Variants in CELF2 observed in about 807,000 individuals in gnomAD.
The protein encoded by CELF2 is CUGBP Elav-like family member 2.
Under a neutral mutation model 62.6 loss-of-function variants are expected in CELF2, and 8 were observed. That is an observed-to-expected ratio of 0.13 (90% CI 0.07 to 0.23). CELF2 has a LOEUF of 0.23. Ranked by LOEUF, CELF2 falls within the 10% of genes least tolerant of loss-of-function variation. The pLI is 1.00. For missense variants in CELF2, 333 were observed against 671.0 expected (o/e 0.50, Z 5.56); for synonymous variants, 258 against 250.0 (o/e 1.03, Z -0.30).
intron 1 of CELF2, among the ~76,000 whole-genome samples, chr10:10,847,790 C>G (rs2059113893): frequency 6.6e-6 from 1 of 152,110 alleles, no homozygotes; most frequent in African/African-American, 2.4e-5. Flanking sequence ...GAGGCTTAGC[C>G]GTGGTTTTAG....
the CELF2 span, among the ~76,000 whole-genome samples, chr10:10,651,642 A>C: frequency 1.1e-3 from 164 of 149,478 alleles, no homozygotes; most frequent in Non-Finnish European, 1.7e-3. Flanking sequence ...GTATTCCAAC[A>C]GACCTGCAGC....
chr10:11,005,572 G>T lies in CELF2; in HGVS notation c.53+132G>T. 1.4e-6 allele frequency: 2 copies of T among 1,382,786 alleles called. No homozygotes were observed. Among genetic ancestry groups the T allele is most frequent in the Non-Finnish European group, 1.0e-6 (1 of 988,708 alleles). The allele number at this position is 1,382,786 out of a possible 1,614,324, so 85.7% of individuals were successfully genotyped here. The stretch of plus-strand genomic sequence containing the variant: ...AAGGGGGGAAAAAGAATCTAAAGAG[G>T]AAGAGGGAGATGAAATCGAGACCCA... On this transcript the variant is annotated intron_variant, in intron 1 of 12. Transcript: ENST00000416382. The surrounding 1 kb of genome is among the most constrained non-coding windows in gnomAD (Gnocchi z 4.3).
At chr10:11,081,027 T>C (rs1267899892) in intron 1 of CELF2, among the ~76,000 whole-genome samples, 1 of 152,114 alleles carries the variant, frequency 6.6e-6, no homozygotes, top group Non-Finnish European at 1.5e-5. Flanking sequence ...CAGATGTTGC[T>C]TTAGCATCCA....
the CELF2 span, among the ~76,000 whole-genome samples, chr10:10,674,820 G>A: frequency 6.6e-6 from 1 of 151,926 alleles, no homozygotes; most frequent in Non-Finnish European, 1.5e-5. Context: ...TGCCACTTGT[G>A]TGAGTGTGCC....
chr10:10,594,393 G>A, the CELF2 span, among the ~76,000 whole-genome samples: 2 of 152,160 alleles, frequency 1.3e-5, no homozygotes, highest in East Asian at 1.9e-4. Context: ...CAGACACTGT[G>A]CATTTAGTTC....
At chr10:10,764,530 C>A in the CELF2 span, among the ~76,000 whole-genome samples, 11 of 152,248 alleles carry the variant, frequency 7.2e-5, no homozygotes, top group Admixed American at 4.6e-4. Flanking sequence ...GAGACAGAGC[C>A]AAGTTCTCCA....
At chr10:10,519,786 G>A in the CELF2 span, among the ~76,000 whole-genome samples, 6 of 152,194 alleles carry the variant, frequency 3.9e-5, no homozygotes, top group Non-Finnish European at 7.3e-5. Context: ...AAACCAGCAA[G>A]CACTCAATTC....
intron 3 of CELF2, among the ~76,000 whole-genome samples, chr10:11,233,107 TCTAA>T (rs920384701): frequency 2.0e-5 from 3 of 152,138 alleles, no homozygotes; most frequent in African/African-American, 7.2e-5. Context: ...TCAGTAAAAT[TCTAA>T]CTAATGAAAG....
chr10:11,277,232 C>T (rs1033955736), intron 8 of CELF2, among the ~76,000 whole-genome samples: 6 of 152,176 alleles, frequency 3.9e-5, no homozygotes, highest in East Asian at 1.9e-4. Flanking sequence ...GCCTCTCCTA[C>T]GCTCTTGTCT....
chr10:10,698,642 A>G, the CELF2 span, among the ~76,000 whole-genome samples: 6 of 152,186 alleles, frequency 3.9e-5, no homozygotes, highest in Admixed American at 6.5e-5. Context: ...TTTGGTCTCA[A>G]CTACTTCCCA....
At chr10:10,473,827 T>G in the CELF2 span, among the ~76,000 whole-genome samples, 1 of 152,076 alleles carries the variant, frequency 6.6e-6, no homozygotes, top group South Asian at 2.1e-4. Flanking sequence ...AATCATGTCA[T>G]TTTCCACTTC....
At chr10:11,100,813 T>C (rs1324567714) in intron 1 of CELF2, among the ~76,000 whole-genome samples, 2 of 152,142 alleles carry the variant, frequency 1.3e-5, no homozygotes, top group African/African-American at 2.4e-5. Flanking sequence ...TAACTCTCTT[T>C]CTGTGTTTGT....
intron 2 of CELF2, chr10:10,935,546 G>T (rs138049246): frequency 6.6e-6 from 1 of 152,248 alleles, no homozygotes; most frequent in East Asian, 1.9e-4. Flanking sequence ...GAGCCACGAG[G>T]ACTTCACATT....
At chr10:11,044,876 T>C (rs528323666) in intron 1 of CELF2, among the ~76,000 whole-genome samples, 1 of 152,366 alleles carries the variant, frequency 6.6e-6, no homozygotes, top group African/African-American at 2.4e-5. Context: ...TGACAAAATA[T>C]GTCCACGTAT....
chr10:11,241,437 T>C (rs1284171802), intron 3 of CELF2, among the ~76,000 whole-genome samples: 2 of 152,206 alleles, frequency 1.3e-5, no homozygotes, highest in African/African-American at 4.8e-5. Context: ...TGACCTGAAG[T>C]GATCCACCCA....
At chr10:10,637,998 G>A in the CELF2 span, among the ~76,000 whole-genome samples, 6,145 of 152,134 alleles carry the variant, frequency 0.04, 203 homozygotes, top group Non-Finnish European at 0.061. Context: ...CCTTGAGTTC[G>A]GGGGATGAAT....
intron 2 of CELF2, among the ~76,000 whole-genome samples, chr10:10,977,681 A>T (rs2051510235): frequency 6.6e-6 from 1 of 152,236 alleles, no homozygotes; most frequent in Non-Finnish European, 1.5e-5. Context: ...AAAATGGAAG[A>T]ATTTGGTACG....
intron 2 of CELF2, among the ~76,000 whole-genome samples, chr10:10,935,873 A>G (rs1268346595): frequency 6.6e-6 from 1 of 152,044 alleles, no homozygotes; most frequent in Admixed American, 6.6e-5. Flanking sequence ...GAAAGAAATA[A>G]TAAATTCTTG....
intron 7 of CELF2, among the ~76,000 whole-genome samples, chr10:11,272,806 A>G (rs2765986): frequency 0.74 from 113,075 of 152,188 alleles, 43,000 homozygotes; most frequent in Non-Finnish European, 0.81. Context: ...TTGGTTATCC[A>G]TGGCAATAAT....
Sources: allele counts gnomAD v4.1 joint callset (sites outside exome capture counted in the v4.1 genomes callset), GRCh38; gene constraint gnomAD v4.1.1; non-coding constraint Gnocchi (gnomAD v3.1); transcripts MANE v1.5; gene names NCBI Gene and HGNC (gene_info 2026-07-23, HGNC 2026-07-21).